RPN1: variants seen among roughly 807,000 people sequenced by gnomAD.
RPN1 encodes the protein dolichyl-diphosphooligosaccharide--protein glycosyltransferase subunit 1.
A neutral mutation model predicts 55.5 loss-of-function variants in RPN1; 12 were observed. That is an observed-to-expected ratio of 0.22 (90% CI 0.14 to 0.35). The LOEUF is 0.35. Ranked by LOEUF, RPN1 falls within the 10% of genes least tolerant of loss-of-function variation. RPN1 has a pLI of 1.00. For missense variants in RPN1, 679 were observed against 761.3 expected (o/e 0.89, Z 1.27); for synonymous variants, 317 against 305.9 (o/e 1.04, Z -0.38).
intron 2 of RPN1, among the ~76,000 whole-genome samples, chr3:128,638,317 G>C (rs1413206853): frequency 6.6e-6 from 1 of 152,080 alleles, no homozygotes; most frequent in African/African-American, 2.4e-5. Context: ...CACCTCTTGG[G>C]TTCAAGCGAT....
At chr3:128,622,096 T>C in intron 9 of RPN1, 68 bp downstream of exon 9, 2 of 1,519,088 alleles carry the variant, frequency 1.3e-6, no homozygotes, top group Non-Finnish European at 1.8e-6. Context: ...GCCCAGTGTC[T>C]GCCCTAGACA....
chr3:128,637,328 G>A (rs1276617907), intron 3 of RPN1, among the ~76,000 whole-genome samples: 6 of 152,116 alleles, frequency 3.9e-5, no homozygotes, highest in African/African-American at 1.4e-4. Context: ...TCTAAGTGAC[G>A]TGTGTGGGAG....
chr3:128,622,754 G>A (rs1189717888), intron 8 of RPN1, among the ~76,000 whole-genome samples: 11 of 151,990 alleles, frequency 7.2e-5, no homozygotes, highest in Admixed American at 3.9e-4. Context: ...AAAATTAGCC[G>A]GGCATGGTGG....
intron 5 of RPN1, among the ~76,000 whole-genome samples, chr3:128,628,435 A>G (rs796765411): frequency 7.9e-3 from 936 of 117,916 alleles, no homozygotes; most frequent in Middle Eastern, 8.9e-3. Context: ...ACATAAATGC[A>G]AAGAAAAGCA....
chr3:128,643,500 TA>T (rs1037730736), intron 2 of RPN1, among the ~76,000 whole-genome samples: 1 of 151,458 alleles, frequency 6.6e-6, no homozygotes, highest in Non-Finnish European at 1.5e-5. Flanking sequence ...CCGTCTCTAC[TA>T]AAAACACAAA....
chr3:128,638,892 G>C (rs552290854), intron 2 of RPN1, among the ~76,000 whole-genome samples: 3 of 152,066 alleles, frequency 2.0e-5, no homozygotes, highest in African/African-American at 7.2e-5. Flanking sequence ...CTTGAACCCG[G>C]GAGGCGGAGG....
At chr3:128,646,193 A>G (rs968407351) in intron 1 of RPN1, among the ~76,000 whole-genome samples, 5 of 143,762 alleles carry the variant, frequency 3.5e-5, no homozygotes, top group African/African-American at 1.3e-4. Context: ...ATTGCACTCC[A>G]GCCTGGTCGA....
intron 2 of RPN1, among the ~76,000 whole-genome samples, chr3:128,644,110 C>T (rs1191462129): frequency 1.3e-5 from 2 of 152,204 alleles, no homozygotes; most frequent in East Asian, 3.9e-4. Flanking sequence ...TTGTCTGCCC[C>T]ATGGAAGCAG....
chr3:128,640,284 A>G (rs996068004), intron 2 of RPN1, among the ~76,000 whole-genome samples: 5 of 152,230 alleles, frequency 3.3e-5, no homozygotes, highest in Non-Finnish European at 5.9e-5. Flanking sequence ...GAAGACGTAG[A>G]AACCACTAGT....
In RPN1 at chr3:128,650,528, GC is replaced by G; in HGVS notation, c.261+11del. 6.5e-7 allele frequency: 1 copy of G among 1,527,274 alleles called. No individual in the cohort carries two copies. The highest frequency in any genetic ancestry group is 8.8e-7 in the Non-Finnish European group (1 of 1,137,396). 94.6% of individuals were successfully genotyped at this position (1,527,274 alleles called of 1,614,324 possible). On this transcript the variant is annotated intron_variant, in intron 1 of 9. Coordinates refer to ENST00000296255, the MANE Select transcript of RPN1 (RefSeq NM_002950.4). ...GTCCCGGGAGCGGCGGCGAGGGGTC[GC>G]CCACACTCACCTGCACGCCCAGGTG... is the stretch of plus-strand genomic sequence containing the variant.
At chr3:128,634,783 G>A (rs916922030) in intron 3 of RPN1, among the ~76,000 whole-genome samples, 7 of 151,950 alleles carry the variant, frequency 4.6e-5, no homozygotes, top group East Asian at 1.9e-4. Flanking sequence ...GGCTGGTCTC[G>A]AACTCCTGAC....
intron 8 of RPN1, among the ~76,000 whole-genome samples, chr3:128,624,542 G>A (rs1204184891): frequency 6.6e-6 from 1 of 151,002 alleles, no homozygotes; most frequent in South Asian, 2.1e-4. Flanking sequence ...CACACAGTTC[G>A]GCTGGATCAA....
intron 2 of RPN1, among the ~76,000 whole-genome samples, chr3:128,639,457 A>G (rs2069708801): frequency 6.9e-6 from 1 of 145,382 alleles, no homozygotes; most frequent in African/African-American, 2.7e-5. Context: ...CGTCTCAAGA[A>G]AAAAAAAAAA....
intron 2 of RPN1, among the ~76,000 whole-genome samples, chr3:128,643,587 G>GGAGTTCAAGACC (rs1291523898): frequency 3.9e-5 from 6 of 152,066 alleles, no homozygotes; most frequent in African/African-American, 1.4e-4. Flanking sequence ...CCTGAGGTCA[G>GGAGTTCAAGACC]GAGTTCAAGA....
intron 2 of RPN1, among the ~76,000 whole-genome samples, chr3:128,641,717 TC>T (rs2069727009): frequency 1.3e-5 from 2 of 151,388 alleles, no homozygotes; most frequent in Admixed American, 1.3e-4. Flanking sequence ...CAAGTGGTTC[TC>T]CTGCCTCAGC....
At chr3:128,641,799 T>C (rs953350367) in intron 2 of RPN1, among the ~76,000 whole-genome samples, 2 of 151,836 alleles carry the variant, frequency 1.3e-5, no homozygotes, top group Admixed American at 1.3e-4. Flanking sequence ...TTAGTAGAGA[T>C]GGGGTTTCTC....
intron 3 of RPN1, among the ~76,000 whole-genome samples, chr3:128,633,987 AAAAC>A (rs1208320039): frequency 6.6e-6 from 1 of 152,034 alleles, no homozygotes; most frequent in Non-Finnish European, 1.5e-5. Context: ...TCTCTCAAAA[AAAAC>A]AAATAAACAA....
At chr3:128,644,748 C>G in intron 2 of RPN1, 171 bp downstream of exon 2, 1 of 647,734 alleles carries the variant, frequency 1.5e-6, no homozygotes, top group Non-Finnish European at 2.8e-6. Flanking sequence ...GGCTTGAGCT[C>G]AGGAGTTCAA....
rs139589828 is a variant in RPN1, at chr3:128,645,214, G to A, written c.262-231C>T. 4.6e-3 allele frequency among the ~76,000 whole-genome samples: 702 copies of A among 152,240 alleles called. 5 individuals carry two copies. The highest frequency in any genetic ancestry group is 0.016 in the African/African-American group (678 of 41,538). On this transcript the variant is annotated intron_variant, in intron 1 of 9. Transcript: ENST00000296255. ...TGGCCAGGCGCAGGGGCTCACACCC[G>A]TAATCCCAGCACTTTGGGAGGCCAA...
Sources: gnomAD v4.1 joint callset for allele counts (sites outside exome capture counted in the v4.1 genomes callset) on GRCh38, gnomAD v4.1.1 for gene constraint, MANE v1.5 for transcripts, NCBI Gene and HGNC (gene_info 2026-07-23, HGNC 2026-07-21) for gene names.